The following VPS53 variants were observed in gnomAD, a reference collection of about 807,000 sequenced individuals.
VPS53 encodes vacuolar protein sorting-associated protein 53 homolog.
In VPS53, 70 loss-of-function variants were observed where a neutral mutation model predicts 107.0. The ratio of observed to expected loss-of-function variants is 0.65; its 90% confidence interval spans 0.54 to 0.80. The LOEUF is 0.80. Among genes scored for constraint, VPS53 ranks in the 30% least tolerant of loss-of-function variants. The pLI is 0.00. For synonymous variants in VPS53, 409 were observed against 393.3 expected (o/e 1.04, Z -0.47); for missense variants, 917 against 1,049.4 (o/e 0.87, Z 1.74).
intron 17 of VPS53, among the ~76,000 whole-genome samples, chr17:543,773 T>G (rs1910890216): frequency 8.3e-6 from 1 of 120,700 alleles, no homozygotes; most frequent in Admixed American, 1.0e-4. Context: ...TTGGGCATAA[T>G]ATGAAGAAGA....
chr17:578,819 T>C (rs1482955518), intron 13 of VPS53, among the ~76,000 whole-genome samples: 2 of 150,418 alleles, frequency 1.3e-5, no homozygotes, highest in African/African-American at 2.5e-5. Context: ...TCTCAGTGCA[T>C]TACCAGAAAA....
rs1412271713 is a variant in VPS53 at position 599,194 on chromosome 17, G to A, written c.1218+2601C>T. On this transcript the variant is annotated intron_variant, in intron 12 of 21. Coordinates refer to ENST00000437048, the MANE Select transcript of VPS53 (RefSeq NM_001128159.3). ...AGGTGAGGGGCGCCTCTGCCCGGCC[G>A]CCCCTACTGGGAAGTGAGGAGCCCC... Among the ~76,000 whole-genome samples the A allele has an allele frequency of 4.6e-4, 68 of 149,358 alleles. No individual in the cohort carries two copies. In the East Asian group the frequency reaches 0.01, roughly 22 times the overall value.
At position 560,502 on chromosome 17, in the gene VPS53, T is replaced by G; in HGVS notation, c.1628A>C (p.Lys543Thr). ...LKEKEGSEVA[K>T]FTLEELCLIC... ...GAGGCAGAGCTCCTCCAGAGTGAAC[T>G]TGGCTACTTCTGAGCCCTCCTTTTC... The change falls in exon 15 of 22, where the codon AAG (lysine) becomes ACG (threonine). Residue 543 changes from lysine to threonine, a missense_variant. By Grantham distance (78) the Lys-to-Thr change is moderately conservative. Coordinates refer to ENST00000437048, the MANE Select transcript of VPS53 (RefSeq NM_001128159.3). 1 of 1,613,780 alleles carries G rather than the reference T, an allele frequency of 6.2e-7. No homozygotes were observed. Among genetic ancestry groups the G allele is most frequent in the East Asian group, 2.2e-5 (1 of 44,886 alleles).
intron 13 of VPS53, among the ~76,000 whole-genome samples, chr17:584,656 G>C (rs1967220515): frequency 1.3e-5 from 2 of 152,120 alleles, no homozygotes; most frequent in Admixed American, 6.6e-5. Flanking sequence ...GAGTAGCTGG[G>C]ACTACAGGTG....
At chr17:711,391 C>A (rs1348191021) in intron 1 of VPS53, among the ~76,000 whole-genome samples, 1 of 152,132 alleles carries the variant, frequency 6.6e-6, no homozygotes, top group Non-Finnish European at 1.5e-5. Flanking sequence ...AATATAGAGT[C>A]AAAAAATCAA....
At chr17:575,257 A>G (rs959540314) in intron 13 of VPS53, among the ~76,000 whole-genome samples, 1 of 152,256 alleles carries the variant, frequency 6.6e-6, no homozygotes, top group East Asian at 1.9e-4. Context: ...GTGAGTGAAT[A>G]ATACAGTTCC....
intron 7 of VPS53, among the ~76,000 whole-genome samples, chr17:649,583 G>T (rs113755703): frequency 6.9e-6 from 1 of 145,884 alleles, no homozygotes; most frequent in Non-Finnish European, 1.5e-5. Flanking sequence ...GAATGGAACA[G>T]GCACTGAAGA....
chr17:631,665 A>G lies in VPS53; in HGVS notation c.609-37T>C, dbSNP rs59649196. ...AGAGAACATATCATCACCTGGCATC[A>G]TATCCTTATGTAACTACACACCGAT... On this transcript the variant is annotated intron_variant, in intron 7 of 21. Coordinates refer to ENST00000437048, the MANE Select transcript of VPS53 (RefSeq NM_001128159.3). 2,159 of 1,593,150 alleles carry G rather than the reference A, an allele frequency of 1.4e-3. 25 individuals are homozygous for G. In the African/African-American group the frequency reaches 0.026, roughly 19 times the overall value.
intron 1 of VPS53, 58 bp downstream of exon 1, chr17:714,565 G>A (rs1002405901): frequency 3.3e-6 from 5 of 1,515,670 alleles, no homozygotes; most frequent in African/African-American, 2.8e-5. Context: ...CCAGCGCCCG[G>A]AGCTGCCGTC....
In VPS53 at chr17:510,302, G is replaced by GTCACATATCAAATCTTGGCTGA. The variant is rs567230219; in HGVS notation, c.*8825_*8826insTCAGCCAAGATTTGATATGTGA. On this transcript the variant is annotated 3_prime_UTR_variant, in exon 22 of 22. Coordinates refer to ENST00000437048, the MANE Select transcript of VPS53 (RefSeq NM_001128159.3). Reference sequence around the variant, plus strand: ...CTAGTCACATATCAAATCCTGTCTCGCCCCTCACTAGTCACATATCAAATC... The same window carrying GTCACATATCAAATCTTGGCTGA: ...CTAGTCACATATCAAATCCTGTCTCGTCACATATCAAATCTTGGCTGACCCCTCACTAGTCACATATCAAATC... 21 of 40,180 alleles carry GTCACATATCAAATCTTGGCTGA rather than the reference G, an allele frequency of 5.2e-4. 3 individuals are homozygous for GTCACATATCAAATCTTGGCTGA. The African/African-American group carries it at 0.012, about 22-fold the overall frequency. 2.5% of individuals were successfully genotyped at this position (40,180 alleles called of 1,614,324 possible).
chr17:518,867 G>A lies in VPS53; in HGVS notation c.*261C>T. The A allele has an allele frequency of 2.8e-6, 1 of 362,376 alleles. No individual in the cohort carries two copies. The highest frequency in any genetic ancestry group is 4.4e-5 in the Admixed American group (1 of 22,660). The allele number at this position is 362,376 out of a possible 1,614,324, so 22.4% of individuals were successfully genotyped here. ...CTACATGAGTCAAGGGCAGCTCAGG[G>A]ACCTATCCTCCACTGCTGCCTCTGC... On this transcript the variant is annotated 3_prime_UTR_variant, in exon 22 of 22. Coordinates refer to ENST00000437048, the MANE Select transcript of VPS53 (RefSeq NM_001128159.3).
chr17:610,100 G>A (rs1264170529), intron 11 of VPS53, among the ~76,000 whole-genome samples: 2 of 150,364 alleles, frequency 1.3e-5, no homozygotes, highest in South Asian at 2.1e-4. Flanking sequence ...CACTGCACTC[G>A]AGCCTGGGCG....
chr17:655,248 C>A (rs1971139036), intron 6 of VPS53, among the ~76,000 whole-genome samples: 1 of 152,086 alleles, frequency 6.6e-6, no homozygotes, highest in African/African-American at 2.4e-5. Flanking sequence ...ATCACCAGCT[C>A]TTCCTTCTCT....
intron 4 of VPS53, among the ~76,000 whole-genome samples, chr17:696,463 T>C (rs543256920): frequency 1.1e-4 from 16 of 152,268 alleles, no homozygotes; most frequent in East Asian, 3.9e-4. Flanking sequence ...AATCACAGCA[T>C]TGAAGCAATT....
chr17:542,368 C>A (rs1170543166), intron 17 of VPS53, among the ~76,000 whole-genome samples: 1 of 152,198 alleles, frequency 6.6e-6, no homozygotes, highest in Non-Finnish European at 1.5e-5. Flanking sequence ...AGTCTGACTT[C>A]TGACACTGTG....
intron 13 of VPS53, among the ~76,000 whole-genome samples, chr17:570,023 TAATA>T (rs537142300): frequency 3.4e-4 from 52 of 152,076 alleles, no homozygotes; most frequent in African/African-American, 1.2e-3. Context: ...CAACACTTAT[TAATA>T]AATAGAGATA....
chr17:622,535 C>T (rs748942800), intron 11 of VPS53, among the ~76,000 whole-genome samples: 5 of 152,134 alleles, frequency 3.3e-5, no homozygotes, highest in Admixed American at 1.3e-4. Context: ...CTCGAGGAGA[C>T]GGATGAGTCA....
chr17:636,742 C>A (rs1363472558), intron 7 of VPS53, among the ~76,000 whole-genome samples: 1 of 152,188 alleles, frequency 6.6e-6, no homozygotes, highest in Non-Finnish European at 1.5e-5. Context: ...TATGTTGAAC[C>A]AGCCTTGCAT....
In VPS53 at chr17:520,425, T is replaced by C. The variant is rs1195764372; in HGVS notation, c.2224-495A>G. 6.6e-6 allele frequency among the ~76,000 whole-genome samples: 1 copy of C among 152,306 alleles called. No homozygotes were observed. The highest frequency in any genetic ancestry group is 2.1e-4 in the South Asian group (1 of 4,820). On this transcript the variant is annotated intron_variant, in intron 20 of 21. Coordinates refer to ENST00000437048, the MANE Select transcript of VPS53 (RefSeq NM_001128159.3). This position sits in a 1 kb window ranked among gnomAD's most constrained non-coding sequence, Gnocchi z 4.4. Reference sequence around the variant, plus strand: ...CTGAGAAATGGGTGGCAAAAGGAGCTGGTATAAGTAAGTGGATTTCTGCAA... The same window carrying C: ...CTGAGAAATGGGTGGCAAAAGGAGCCGGTATAAGTAAGTGGATTTCTGCAA...
Sources: gnomAD v4.1 joint callset for allele counts (sites outside exome capture counted in the v4.1 genomes callset) on GRCh38, gnomAD v4.1.1 for gene constraint, Gnocchi (gnomAD v3.1) non-coding constraint, MANE v1.5 for transcripts, NCBI Gene and HGNC (gene_info 2026-07-23, HGNC 2026-07-21) for gene names.